Variants in NELL1 observed in about 807,000 individuals in gnomAD.
NELL1 encodes neural EGFL like 1.
Under a neutral mutation model 107.4 loss-of-function variants are expected in NELL1, and 76 were observed. The ratio of observed to expected loss-of-function variants is 0.71; its 90% CI spans 0.59 to 0.86. NELL1 has a LOEUF of 0.86. NELL1 is among the 40% of genes least tolerant of loss of function. The pLI is 0.00. For synonymous variants in NELL1, 353 were observed against 341.2 expected (o/e 1.03, Z -0.38); for missense variants, 1,024 against 1,005.5 (o/e 1.02, Z -0.25).
chr11:21,557,943 G>A (rs910925405), intron 16 of NELL1, among the ~76,000 whole-genome samples: 2 of 151,998 alleles, frequency 1.3e-5, no homozygotes, highest in African/African-American at 4.8e-5. Flanking sequence ...TGCCCTCAAT[G>A]AGCTCACTCT....
At chr11:21,256,921 C>T (rs1858784270) in intron 14 of NELL1, among the ~76,000 whole-genome samples, 1 of 152,008 alleles carries the variant, frequency 6.6e-6, no homozygotes, top group Admixed American at 6.6e-5. Context: ...AAGTGGGTTA[C>T]AGCTGTGCAC....
chr11:21,084,337 C>A (rs1854338882), intron 12 of NELL1, among the ~76,000 whole-genome samples: 1 of 152,126 alleles, frequency 6.6e-6, no homozygotes, highest in Admixed American at 6.5e-5. Flanking sequence ...ATATGCCATT[C>A]AACCAGCAAT....
intron 3 of NELL1, among the ~76,000 whole-genome samples, chr11:20,784,791 G>A (rs1464083450): frequency 1.3e-5 from 2 of 152,258 alleles, no homozygotes; most frequent in African/African-American, 4.8e-5. Context: ...TGCCATGCGA[G>A]GTTTTGTGGA....
rs1039771072 is a variant in NELL1 at position 20,702,545 on chromosome 11, T to C, written c.184+24485T>C. On this transcript the variant is annotated intron_variant, in intron 2 of 19. Coordinates refer to ENST00000357134, the MANE Select transcript of NELL1 (RefSeq NM_006157.5). The stretch of plus-strand genomic sequence containing the variant: ...GCCCTGGCCAGAACTTCCAACACTA[T>C]GTTGAATAGGAGTGGTGAGAGAGGG... Among the ~76,000 whole-genome samples the C allele has an allele frequency of 3.3e-5, 5 of 152,118 alleles. No homozygotes were observed. In the South Asian group the frequency reaches 8.3e-4, roughly 25 times the overall value.
chr11:20,919,570 C>T (rs952471558), intron 7 of NELL1, among the ~76,000 whole-genome samples: 4 of 151,926 alleles, frequency 2.6e-5, no homozygotes, highest in Admixed American at 6.6e-5. Flanking sequence ...AAGCAAGAGG[C>T]AATATGTATC....
intron 13 of NELL1, among the ~76,000 whole-genome samples, chr11:21,184,605 A>C (rs559221132): frequency 3.0e-4 from 45 of 152,010 alleles, no homozygotes; most frequent in Non-Finnish European, 5.9e-4. Flanking sequence ...GTGTCAGTCG[A>C]AAACAGACTC....
At chr11:21,465,340 AAG>A (rs1291405048) in intron 15 of NELL1, among the ~76,000 whole-genome samples, 1 of 152,102 alleles carries the variant, frequency 6.6e-6, no homozygotes, top group Non-Finnish European at 1.5e-5. Context: ...CCCAATTAGT[AAG>A]AGACTAACCT....
chr11:20,750,516 T>G (rs777907255), intron 2 of NELL1, among the ~76,000 whole-genome samples: 7 of 152,004 alleles, frequency 4.6e-5, no homozygotes, highest in Non-Finnish European at 1.0e-4. Flanking sequence ...AAATTTTATC[T>G]TGTAGAAATT....
chr11:21,379,447 G>T (rs1398483804), intron 15 of NELL1, among the ~76,000 whole-genome samples: 1 of 151,994 alleles, frequency 6.6e-6, no homozygotes, highest in Non-Finnish European at 1.5e-5. Context: ...TTGAAATATA[G>T]TAAGTATCTG....
intron 2 of NELL1, among the ~76,000 whole-genome samples, chr11:20,696,663 A>G (rs189719042): frequency 3.2e-4 from 49 of 152,266 alleles, no homozygotes; most frequent in African/African-American, 1.1e-3. Flanking sequence ...GAAGTAATAA[A>G]AATACTACTC....
intron 14 of NELL1, among the ~76,000 whole-genome samples, chr11:21,245,847 T>A (rs533322270): frequency 1.3e-5 from 2 of 152,238 alleles, no homozygotes; most frequent in African/African-American, 4.8e-5. Flanking sequence ...GTATTTATGT[T>A]ATGAAGGGGA....
chr11:21,520,202 C>A lies in NELL1; in HGVS notation c.1646-14172C>A, dbSNP rs148708355. 8.9e-3 allele frequency among the ~76,000 whole-genome samples: 1,355 copies of A among 152,250 alleles called. 23 individuals are homozygous for A. Among genetic ancestry groups the A allele is most frequent in the African/African-American group, 0.031 (1,283 of 41,538 alleles). On this transcript the variant is annotated intron_variant, in intron 15 of 19. Coordinates refer to ENST00000357134, the MANE Select transcript of NELL1 (RefSeq NM_006157.5). ...AGGGACATCTGTGGATTTTGTCTCA[C>A]CAGAATTCAGTTCCTATCCTAGTAA...
intron 10 of NELL1, among the ~76,000 whole-genome samples, chr11:20,941,239 T>G (rs1054416482): frequency 2.0e-5 from 3 of 152,222 alleles, no homozygotes; most frequent in Admixed American, 6.5e-5. Flanking sequence ...CTGGAAAACA[T>G]TAGGAATCAG....
At chr11:21,335,223 A>G (rs557551426) in intron 14 of NELL1, among the ~76,000 whole-genome samples, 1 of 152,176 alleles carries the variant, frequency 6.6e-6, no homozygotes, top group South Asian at 2.1e-4. Flanking sequence ...TTTTAATTCT[A>G]TCCTGAGATA....
At chr11:21,399,287 T>C (rs956566385) in intron 15 of NELL1, among the ~76,000 whole-genome samples, 7 of 151,748 alleles carry the variant, frequency 4.6e-5, no homozygotes, top group African/African-American at 1.4e-4. Flanking sequence ...TACTAGTATC[T>C]AGGCATTTTG....
intron 13 of NELL1, among the ~76,000 whole-genome samples, chr11:21,188,891 T>G (rs1297423891): frequency 6.6e-6 from 1 of 151,954 alleles, no homozygotes; most frequent in Non-Finnish European, 1.5e-5. Context: ...GTGACCATAT[T>G]GGACCCATCA....
At chr11:20,927,104 C>G (rs778450103) in intron 7 of NELL1, 6 of 526,338 alleles carry the variant, frequency 1.1e-5, no homozygotes, top group Non-Finnish European at 2.0e-5. Context: ...TAGACCATGA[C>G]AGCCAATATT....
In NELL1 at chr11:20,885,570, A is replaced by G. The variant is rs202204809; in HGVS notation, c.603+30A>G. 4.5e-4 allele frequency: 584 copies of G among 1,307,466 alleles called. 3 individuals are homozygous for G. The African/African-American group carries it at 6.9e-3, about 15-fold the overall frequency. 81.0% of individuals were successfully genotyped at this position (1,307,466 alleles called of 1,614,324 possible). A position where few individuals can be genotyped will look rare whatever the true frequency, so the allele number is the denominator to read the frequency against. The stretch of plus-strand genomic sequence containing the variant: ...GCACTAACGTTCTTTTTATTGAAGT[A>G]TATATATAGGCGATGCTCAGTTTTC... On this transcript the variant is annotated intron_variant, in intron 5 of 19. Coordinates refer to ENST00000357134, the MANE Select transcript of NELL1 (RefSeq NM_006157.5).
intron 13 of NELL1, among the ~76,000 whole-genome samples, chr11:21,163,877 T>G (rs2133803655): frequency 6.6e-6 from 1 of 152,032 alleles, no homozygotes; most frequent in Non-Finnish European, 1.5e-5. Context: ...ACATTGGGGG[T>G]TAAGGCTTCA....
Sources: allele counts gnomAD v4.1 joint callset (sites outside exome capture counted in the v4.1 genomes callset), GRCh38; gene constraint gnomAD v4.1.1; transcripts MANE v1.5; gene names NCBI Gene and HGNC (gene_info 2026-07-23, HGNC 2026-07-21).